The following BTNL9 variants were observed in gnomAD, a reference collection of about 807,000 sequenced individuals.
BTNL9 encodes the protein butyrophilin like 9.
A neutral mutation model predicts 45.8 loss-of-function variants in BTNL9; 45 were observed. The ratio of observed to expected loss-of-function variants is 0.98; its 90% CI spans 0.77 to 1.26. BTNL9 has a LOEUF of 1.26. Among genes scored for constraint, BTNL9 ranks in the 50% most tolerant of loss-of-function variants. The pLI is 0.00. For synonymous variants in BTNL9, 346 were observed against 330.8 expected, an observed-to-expected ratio of 1.05 and a Z score of -0.50; for missense variants, 784 against 729.7, an observed-to-expected ratio of 1.07 and a Z score of -0.86.
rs997773934 is a variant in BTNL9 at position 181,060,473 on chromosome 5, C to T, written c.*611C>T. ...CCGGCAAAAGGGTAGGGAGCCAGGC[C>T]GAAGGGGCCTCACTGACCAATTGTG... On this transcript the variant is annotated 3_prime_UTR_variant, in exon 11 of 11. Coordinates refer to ENST00000327705, the MANE Select transcript of BTNL9 (RefSeq NM_152547.5). The T allele has an allele frequency of 6.6e-6, 1 of 152,122 alleles. No homozygotes were observed. Among genetic ancestry groups the T allele is most frequent in the Admixed American group, 6.6e-5 (1 of 15,266 alleles). 9.4% of individuals were successfully genotyped at this position (152,122 alleles called of 1,614,324 possible).
At position 181,048,189 on chromosome 5, in the gene BTNL9, C is replaced by A. The variant is rs201148510; in HGVS notation, c.372C>A (p.Ile124=). The A allele has an allele frequency of 1.2e-6, 2 of 1,613,470 alleles. No homozygotes were observed. Among genetic ancestry groups the A allele is most frequent in the Non-Finnish European group, 8.5e-7 (1 of 1,180,024 alleles). ...TGGTCCTGCAGCTTCACAGCATCAT[C>A]CCCTCTGACAAGGGCACATATGGCT... The part of the protein sequence containing the change: ...GSVVLQLHSI[I]PSDKGTYGCR... The change falls in exon 3 of 11, where the codon ATC becomes ATA. Residue 124 remains isoleucine (I), a synonymous_variant. Transcript: ENST00000327705.
In BTNL9 at chr5:181,044,459, C is replaced by T. The variant is rs566401069; in HGVS notation, c.-23-1008C>T. 3.9e-4 allele frequency among the ~76,000 whole-genome samples: 59 copies of T among 152,210 alleles called. No individual in the cohort carries two copies. The South Asian group carries it at 6.6e-3, about 17-fold the overall frequency. On this transcript the variant is annotated intron_variant, in intron 1 of 10. Coordinates refer to ENST00000327705, the MANE Select transcript of BTNL9 (RefSeq NM_152547.5). The stretch of plus-strand genomic sequence containing the variant: ...AAAGGCAAGGGGTGCAGTCCCAGGA[C>T]GAAGACAGTGCGTGGGCGTTGGGAA...
chr5:181,059,285 C>G lies in BTNL9; in HGVS notation c.1031C>G (p.Ser344Trp), dbSNP rs1450820894. 14 of 1,572,108 alleles carry G rather than the reference C, an allele frequency of 8.9e-6. No individual in the cohort carries two copies. The highest frequency in any genetic ancestry group is 1.2e-5 in the Non-Finnish European group (14 of 1,167,104). The change falls in exon 11 of 11, where the codon TCG (serine) becomes TGG (tryptophan). Residue 344 changes from serine to tryptophan, a missense_variant. Physicochemically the swap from Ser to Trp is radical, Grantham distance 177. Transcript: ENST00000327705. ...PASAHPSLEV[S>W]EDGKSVSSRG... ...TCGGCGCACCCCAGCCTGGAGGTGT[C>G]GGAGGATGGCAAGAGCGTGTCTTCC... is the stretch of plus-strand genomic sequence containing the variant.
chr5:181,059,708 A>C lies in BTNL9; in HGVS notation c.1454A>C (p.Tyr485Ser). 1.2e-6 allele frequency: 2 copies of C among 1,613,500 alleles called. No individual in the cohort carries two copies. Among genetic ancestry groups the C allele is most frequent in the Non-Finnish European group, 1.7e-6 (2 of 1,179,940 alleles). Residue 485 changes from tyrosine to serine, a missense_variant, in exon 11 of 11, where the codon TAC becomes TCC. Transcript: ENST00000327705. The stretch of plus-strand genomic sequence containing the variant: ...ACCTTCTCGGGCGCGCTCTGTGCGT[A>C]CTTCAGGCCCAGGGCCCACGACGGC... ...HDTFSGALCA[Y>S]FRPRAHDGGE... is the part of the protein sequence containing the mutation.
At chr5:181,041,673 C>T (rs1389321792) in intron 1 of BTNL9, among the ~76,000 whole-genome samples, 1 of 152,112 alleles carries the variant, frequency 6.6e-6, no homozygotes, top group Non-Finnish European at 1.5e-5. Flanking sequence ...AGGGAGATGC[C>T]ATTTATTTGT....
At position 181,058,337 on chromosome 5, in the gene BTNL9, T is replaced by C. The variant is rs781466811; in HGVS notation, c.956-15T>C. ...AGATTTCTGAGCTTTTTTCCCCTTT[T>C]CTGTTTGGTTTCAGAGTGGAGAGCA... On this transcript the variant is annotated splice_polypyrimidine_tract_variant and intron_variant, in intron 9 of 10. Coordinates refer to ENST00000327705, the MANE Select transcript of BTNL9 (RefSeq NM_152547.5). The C allele has an allele frequency of 6.2e-7, 1 of 1,614,102 alleles. No individual in the cohort carries two copies. Among genetic ancestry groups the C allele is most frequent in the Non-Finnish European group, 8.5e-7 (1 of 1,179,972 alleles).
At chr5:181,058,913 A>G (rs1762016193) in intron 10 of BTNL9, among the ~76,000 whole-genome samples, 1 of 151,644 alleles carries the variant, frequency 6.6e-6, no homozygotes, top group African/African-American at 2.4e-5. Flanking sequence ...AGCAGGAACT[A>G]GAACCAGCCC....
At position 181,059,979 on chromosome 5, in the gene BTNL9, G is replaced by C. The variant is rs1290095160; in HGVS notation, c.*117G>C. On this transcript the variant is annotated 3_prime_UTR_variant, in exon 11 of 11. Coordinates refer to ENST00000327705, the MANE Select transcript of BTNL9 (RefSeq NM_152547.5). ...GCACCAGCCAAAATGTCAGCGAGGG[G>C]GACAAAGAGAGGGACCTTTGCCTAC... 5 of 956,422 alleles carry C rather than the reference G, an allele frequency of 5.2e-6. No homozygotes were observed. The African/African-American group carries it at 8.3e-5, about 16-fold the overall frequency. 59.2% of individuals were successfully genotyped at this position (956,422 alleles called of 1,614,324 possible). A position where few individuals can be genotyped will look rare whatever the true frequency, so the allele number is the denominator to read the frequency against.
Position 181,055,920 on chromosome 5 carries a change from T to C in BTNL9, c.929-69T>C, listed in dbSNP as rs1345434609. On this transcript the variant is annotated intron_variant, in intron 8 of 10. Coordinates refer to ENST00000327705, the MANE Select transcript of BTNL9 (RefSeq NM_152547.5). The surrounding 1 kb of genome is among the most constrained non-coding windows in gnomAD (Gnocchi z 4.4). ...GGTGCGGGACAGGGTGGGTGCAAGA[T>C]GTGATGTGTGAGCAGGGAAGCTTGG... 22 of 1,583,106 alleles carry C rather than the reference T, an allele frequency of 1.4e-5. No homozygotes were observed. Among genetic ancestry groups the C allele is most frequent in the Non-Finnish European group, 1.9e-5 (22 of 1,151,880 alleles).
intron 1 of BTNL9, among the ~76,000 whole-genome samples, chr5:181,041,045 A>G (rs535102679): frequency 1.3e-5 from 2 of 152,352 alleles, no homozygotes; most frequent in African/African-American, 4.8e-5. Context: ...TGCAGAGCAA[A>G]AAATACTTCC....
chr5:181,053,890 A>T lies in BTNL9; in HGVS notation c.887-349A>T. The T allele has an allele frequency of 6.6e-7, 1 of 1,504,086 alleles. No homozygotes were observed. Among genetic ancestry groups the T allele is most frequent in the Non-Finnish European group, 8.9e-7 (1 of 1,126,716 alleles). 93.2% of individuals were successfully genotyped at this position (1,504,086 alleles called of 1,614,324 possible). A position where few individuals can be genotyped will look rare whatever the true frequency, so the allele number is the denominator to read the frequency against. ...GCAACATCTCCGCACAGGGTCAGGA[A>T]GCGGCGGTCAGGCACCGAGAAAACA... On this transcript the variant is annotated intron_variant, in intron 6 of 10. Coordinates refer to ENST00000327705, the MANE Select transcript of BTNL9 (RefSeq NM_152547.5). This position sits in a 1 kb window ranked among gnomAD's most constrained non-coding sequence, Gnocchi z 6.5.
chr5:181,048,733 A>C (rs377549316), intron 3 of BTNL9, among the ~76,000 whole-genome samples: 10 of 80,680 alleles, frequency 1.2e-4, no homozygotes, highest in Admixed American at 3.2e-4. Context: ...ATATCTATAT[A>C]TATATCTATC....
Position 181,059,556 on chromosome 5 carries a change from CCCGCACCGCG to C in BTNL9, c.1303_1312del (p.Pro435SerfsTer63). On this transcript the variant is annotated frameshift_variant, in exon 11 of 11. Transcript: ENST00000327705. LOFTEE classifies it low-confidence loss of function (END_TRUNC). ...ACGGCTGCGAGTACTTCGTCCTGGC[CCCGCACCGCG>C]TCGCGCTCACCCTGCGCGTGCCCCC... 6.2e-7 allele frequency: 1 copy of C among 1,611,002 alleles called. No individual in the cohort carries two copies. The highest frequency in any genetic ancestry group is 8.5e-7 in the Non-Finnish European group (1 of 1,179,424).
chr5:181,056,814 T>G, intron 9 of BTNL9: 1 of 556,954 alleles, frequency 1.8e-6, no homozygotes, highest in Non-Finnish European at 3.2e-6. Context: ...ATTCCAAGTT[T>G]GCCAATCAGT....
At chr5:181,056,462 C>T (rs1761887247) in intron 9 of BTNL9, 1 of 690,058 alleles carries the variant, frequency 1.4e-6, no homozygotes, top group Non-Finnish European at 2.7e-6. Context: ...CTTGCTTTTC[C>T]CGTATGCATC....
In BTNL9 at chr5:181,050,625, C is replaced by T. The variant is rs1413251917; in HGVS notation, c.736+256C>T. On this transcript the variant is annotated intron_variant, in intron 4 of 10. Coordinates refer to ENST00000327705, the MANE Select transcript of BTNL9 (RefSeq NM_152547.5). The surrounding 1 kb of genome is among the most constrained non-coding windows in gnomAD (Gnocchi z 4.9). The stretch of plus-strand genomic sequence containing the variant: ...AAGGCCATACACTAAAACCCATCAA[C>T]TCTGCTCATCAGAGGCATCATGGGA... 6.6e-6 allele frequency among the ~76,000 whole-genome samples: 1 copy of T among 152,204 alleles called. No homozygotes were observed. Among genetic ancestry groups the T allele is most frequent in the African/African-American group, 2.4e-5 (1 of 41,454 alleles).
In BTNL9 at chr5:181,053,444, C is replaced by T. The variant is rs1761691500; in HGVS notation, c.854-25C>T. On this transcript the variant is annotated intron_variant, in intron 5 of 10. Coordinates refer to ENST00000327705, the MANE Select transcript of BTNL9 (RefSeq NM_152547.5). The surrounding 1 kb of genome is among the most constrained non-coding windows in gnomAD (Gnocchi z 6.5). ...GAAGGGGCGGGGGCGCGCACTCAGC[C>T]CTCTCCGCTCCCGTTTCCCTTCAGA... 1.3e-6 allele frequency: 2 copies of T among 1,558,544 alleles called. No individual in the cohort carries two copies. Among genetic ancestry groups the T allele is most frequent in the Non-Finnish European group, 1.7e-6 (2 of 1,152,008 alleles).
At chr5:181,058,814 T>TAA (rs200022713) in intron 10 of BTNL9, among the ~76,000 whole-genome samples, 134 of 134,982 alleles carry the variant, frequency 9.9e-4, no homozygotes, top group African/African-American at 2.7e-3. Context: ...GGACTGTATG[T>TAA]AAAAAAAAAA....
intron 1 of BTNL9, among the ~76,000 whole-genome samples, chr5:181,043,848 G>A (rs960120044): frequency 2.0e-5 from 3 of 152,248 alleles, no homozygotes; most frequent in African/African-American, 7.2e-5. Context: ...GCTTCCACCA[G>A]TAGCCACAGA....
Sources: allele counts gnomAD v4.1 joint callset (sites outside exome capture counted in the v4.1 genomes callset), GRCh38; gene constraint gnomAD v4.1.1; non-coding constraint Gnocchi (gnomAD v3.1); transcripts MANE v1.5; gene names NCBI Gene and HGNC (gene_info 2026-07-23, HGNC 2026-07-21).